Variants in PPP2CA observed in about 807,000 individuals in gnomAD.
PPP2CA encodes protein phosphatase 2 catalytic subunit alpha.
PPP2CA carries 5 observed loss-of-function variants against 38.8 expected under a neutral mutation model. That is an observed-to-expected ratio of 0.13 (90% CI 0.07 to 0.27). PPP2CA has a LOEUF of 0.27. Among genes scored for constraint, PPP2CA ranks in the 10% least tolerant of loss-of-function variants. The pLI, the probability that PPP2CA is intolerant of heterozygous loss-of-function variation, is 1.00. For synonymous variants in PPP2CA, 152 were observed against 134.0 expected (o/e 1.13, Z -0.93); for missense variants, 88 against 389.7 (o/e 0.23, Z 6.52).
intron 1 of PPP2CA, 45 bp downstream of exon 1, chr5:134,225,715 G>A (rs765342171): frequency 1.9e-6 from 3 of 1,564,384 alleles, no homozygotes; most frequent in Admixed American, 1.7e-5. Flanking sequence ...TTTCCTCGGC[G>A]GGCTCGGCCC....
At chr5:134,201,178 G>A (rs1330946870) in intron 3 of PPP2CA, 104 bp from the exon 4 acceptor site, 8 of 823,278 alleles carry the variant, frequency 9.7e-6, no homozygotes, top group Non-Finnish European at 1.6e-5. Context: ...TTGGGAAGCT[G>A]AGGCAGGAGG....
In PPP2CA at chr5:134,197,052, C is replaced by T. The variant is rs907657918; in HGVS notation, c.*720G>A. 3.9e-5 allele frequency: 6 copies of T among 152,588 alleles called. No homozygotes were observed. Among genetic ancestry groups the T allele is most frequent in the Admixed American group, 3.3e-4 (5 of 15,270 alleles). The allele number at this position is 152,588 out of a possible 1,614,324, so 9.5% of individuals were successfully genotyped here. ...GATTTAACTTTTTTAATAAACAGCA[C>T]CAGTCTTGCCCATTGATACAATTAA... On this transcript the variant is annotated 3_prime_UTR_variant, in exon 7 of 7. Transcript: ENST00000481195.
chr5:134,201,365 G>C (rs968126237), intron 3 of PPP2CA, among the ~76,000 whole-genome samples: 2 of 152,190 alleles, frequency 1.3e-5, no homozygotes, highest in Non-Finnish European at 2.9e-5. Flanking sequence ...AGCCCACTCT[G>C]AACTATTGAG....
intron 1 of PPP2CA, 108 bp downstream of exon 1, chr5:134,225,652 G>A: frequency 2.1e-6 from 2 of 960,594 alleles, no homozygotes; most frequent in Admixed American, 3.0e-5. Context: ...TCGGAGACTC[G>A]GGGGGCCCGG....
Position 134,194,971 on chromosome 5 carries a change from T to G in PPP2CA, c.*2801A>C, listed in dbSNP as rs1761817947. On this transcript the variant is annotated 3_prime_UTR_variant, in exon 7 of 7. Coordinates refer to ENST00000481195, the MANE Select transcript of PPP2CA (RefSeq NM_002715.4). ...ACTTAAAAAATGTATGCCTGGGCCCTCCTCCAGCAATTTAAATCAGAATCT... is the reference window on the plus strand; with the variant it reads ...ACTTAAAAAATGTATGCCTGGGCCCGCCTCCAGCAATTTAAATCAGAATCT... The G allele has an allele frequency of 6.6e-6, 1 of 152,128 alleles. No individual in the cohort carries two copies. The highest frequency in any genetic ancestry group is 1.5e-5 in the Non-Finnish European group (1 of 68,020). 9.4% of individuals were successfully genotyped at this position (152,128 alleles called of 1,614,324 possible).
At chr5:134,205,644 A>G (rs1580640757) in intron 2 of PPP2CA, 1 of 335,416 alleles carries the variant, frequency 3.0e-6, no homozygotes, top group Non-Finnish European at 5.7e-6. Context: ...CAGCGTCCCA[A>G]AGTGCTGGGA....
chr5:134,205,422 T>C (rs1016381902), intron 2 of PPP2CA, among the ~76,000 whole-genome samples: 10 of 151,222 alleles, frequency 6.6e-5, no homozygotes, highest in Non-Finnish European at 1.5e-5. Context: ...CGCTCTGTTG[T>C]CCAGGCTGGC....
At position 134,215,101 on chromosome 5, in the gene PPP2CA, T is replaced by C. The variant is rs1395636105; in HGVS notation, c.103-8970A>G. Among the ~76,000 whole-genome samples the C allele has an allele frequency of 2.7e-3, 401 of 149,634 alleles. 3 individuals are homozygous for C. Among genetic ancestry groups the C allele is most frequent in the African/African-American group, 8.8e-3 (362 of 41,136 alleles). On this transcript the variant is annotated intron_variant, in intron 1 of 6. Coordinates refer to ENST00000481195, the MANE Select transcript of PPP2CA (RefSeq NM_002715.4). Reference sequence around the variant, plus strand: ...GAAGTGTCTAATATTTATTTACTTTTTTTTTTTTTTTTTGAGACAAGTTCT... The same window carrying C: ...GAAGTGTCTAATATTTATTTACTTTCTTTTTTTTTTTTTGAGACAAGTTCT...
At chr5:134,225,228 C>T (rs571112697) in intron 1 of PPP2CA, among the ~76,000 whole-genome samples, 1 of 152,298 alleles carries the variant, frequency 6.6e-6, no homozygotes, top group South Asian at 2.1e-4. Context: ...TGGAGAAGAT[C>T]GCTTGGTGAG....
At chr5:134,218,831 G>A (rs994931051) in intron 1 of PPP2CA, among the ~76,000 whole-genome samples, 2 of 152,010 alleles carry the variant, frequency 1.3e-5, no homozygotes, top group East Asian at 3.9e-4. Flanking sequence ...ACCATGCCTG[G>A]CTAAATTTTT....
chr5:134,207,639 C>T (rs1488618252), intron 1 of PPP2CA, among the ~76,000 whole-genome samples: 3 of 152,146 alleles, frequency 2.0e-5, no homozygotes, highest in Non-Finnish European at 2.9e-5. Context: ...CTATAACCTC[C>T]ACCTCCCAGG....
At chr5:134,209,890 C>T (rs1284304532) in intron 1 of PPP2CA, among the ~76,000 whole-genome samples, 3 of 152,038 alleles carry the variant, frequency 2.0e-5, no homozygotes, top group Non-Finnish European at 2.9e-5. Flanking sequence ...TGGGCAACAA[C>T]ATATTGAGAC....
chr5:134,216,087 A>T (rs1424494391), intron 1 of PPP2CA, among the ~76,000 whole-genome samples: 1 of 152,238 alleles, frequency 6.6e-6, no homozygotes, highest in Non-Finnish European at 1.5e-5. Context: ...AAAAACAGTT[A>T]ATCACATAAC....
intron 1 of PPP2CA, among the ~76,000 whole-genome samples, chr5:134,222,230 AAAT>A (rs1209383472): frequency 2.0e-5 from 3 of 152,142 alleles, no homozygotes; most frequent in African/African-American, 7.2e-5. Context: ...AGTATGATAA[AAAT>A]AATGTTCTGT....
chr5:134,217,513 CA>C (rs202102210), intron 1 of PPP2CA, among the ~76,000 whole-genome samples: 3 of 151,910 alleles, frequency 2.0e-5, no homozygotes, highest in Admixed American at 1.3e-4. Flanking sequence ...AATTCACAGG[CA>C]AAAAAAATTT....
intron 1 of PPP2CA, among the ~76,000 whole-genome samples, chr5:134,210,734 G>A (rs550113736): frequency 1.3e-5 from 2 of 152,214 alleles, no homozygotes; most frequent in South Asian, 4.1e-4. Context: ...TCAGGAGGCT[G>A]AGGCAGGGGC....
In PPP2CA at chr5:134,196,100, T is replaced by C. The variant is rs886113391; in HGVS notation, c.*1672A>G. The C allele has an allele frequency of 2.6e-5, 4 of 152,168 alleles. No individual in the cohort carries two copies. Among genetic ancestry groups the C allele is most frequent in the African/African-American group, 9.7e-5 (4 of 41,428 alleles). The allele number at this position is 152,168 out of a possible 1,614,324, so 9.4% of individuals were successfully genotyped here. ...AAGAAAAGAATGAAATGAAATGAAA[T>C]GTAGAAACCCTAATGGCCTTTTGCT... On this transcript the variant is annotated 3_prime_UTR_variant, in exon 7 of 7. Coordinates refer to ENST00000481195, the MANE Select transcript of PPP2CA (RefSeq NM_002715.4).
intron 1 of PPP2CA, among the ~76,000 whole-genome samples, chr5:134,221,696 G>A (rs1052741776): frequency 6.6e-5 from 10 of 152,156 alleles, no homozygotes; most frequent in South Asian, 2.1e-4. Context: ...TTGGCCAGGC[G>A]CGCTGGCTCA....
At chr5:134,207,717 T>C (rs988258835) in intron 1 of PPP2CA, among the ~76,000 whole-genome samples, 4 of 152,154 alleles carry the variant, frequency 2.6e-5, no homozygotes, top group African/African-American at 9.7e-5. Flanking sequence ...ACTATGCCTA[T>C]TTTGCACTTT....
Sources: allele counts gnomAD v4.1 joint callset (sites outside exome capture counted in the v4.1 genomes callset), GRCh38; gene constraint gnomAD v4.1.1; transcripts MANE v1.5; gene names NCBI Gene and HGNC (gene_info 2026-07-23, HGNC 2026-07-21).